Variants in MYO1C observed in about 807,000 individuals in gnomAD.
MYO1C encodes myosin IC.
In MYO1C, 104 loss-of-function variants were observed where a neutral mutation model predicts 150.8. The observed-to-expected ratio is 0.69, with a 90% CI of 0.59 to 0.81. MYO1C has a LOEUF of 0.81. Among genes scored for constraint, MYO1C ranks in the 30% least tolerant of loss-of-function variants. The pLI is 0.00. For synonymous variants in MYO1C, 663 were observed against 579.9 expected (o/e 1.14, Z -2.06); for missense variants, 1,504 against 1,435.0 (o/e 1.05, Z -0.78).
Position 1,467,357 on chromosome 17 carries a change from G to T in MYO1C, c.3066-16C>A. On this transcript the variant is annotated splice_polypyrimidine_tract_variant and intron_variant, in intron 30 of 31. Transcript: ENST00000648651. ...AAACGTGATGCTGGGGGAACGGGGTGGGTGAGGGTTTTTCCATGGAGGCAG... is the reference window on the plus strand; with the variant it reads ...AAACGTGATGCTGGGGGAACGGGGTTGGTGAGGGTTTTTCCATGGAGGCAG... 1 of 1,608,456 alleles carries T rather than the reference G, an allele frequency of 6.2e-7. No homozygotes were observed.
chr17:1,485,766 C>T (rs1299671747), intron 1 of MYO1C: 6 of 1,049,222 alleles, frequency 5.7e-6, no homozygotes, highest in Non-Finnish European at 6.9e-6. Flanking sequence ...GTCCCGGGCT[C>T]GGCGGCGGTG....
At position 1,479,255 on chromosome 17, in the gene MYO1C, A is replaced by G. The variant is rs1195662862; in HGVS notation, c.1092+176T>C. 6.6e-6 allele frequency among the ~76,000 whole-genome samples: 1 copy of G among 152,072 alleles called. No homozygotes were observed. The highest frequency in any genetic ancestry group is 2.4e-5 in the African/African-American group (1 of 41,394). On this transcript the variant is annotated intron_variant, in intron 9 of 31. Coordinates refer to ENST00000648651, the MANE Select transcript of MYO1C (RefSeq NM_001080779.2). The surrounding 1 kb of genome is among the most constrained non-coding windows in gnomAD (Gnocchi z 4.2). ...TGACCTGCCCACCTCAGCCTCCCCAAGTGCTGGGGTTACAGGCGTGAGCCA... is the reference window on the plus strand; with the variant it reads ...TGACCTGCCCACCTCAGCCTCCCCAGGTGCTGGGGTTACAGGCGTGAGCCA...
chr17:1,480,666 G>A, intron 6 of MYO1C, 40 bp downstream of exon 6: 1 of 1,614,004 alleles, frequency 6.2e-7, no homozygotes, highest in Non-Finnish European at 8.5e-7. Flanking sequence ...CCTGGCACCA[G>A]ATCCCTGGGT....
At chr17:1,474,902 C>A in intron 15 of MYO1C, 36 bp downstream of exon 15, 1 of 1,612,620 alleles carries the variant, frequency 6.2e-7, no homozygotes, top group South Asian at 1.1e-5. Context: ...AGCCTCCCCG[C>A]AGGCCCCTGT....
chr17:1,485,847 C>T (rs1415757984), intron 1 of MYO1C: 2 of 348,088 alleles, frequency 5.7e-6, no homozygotes, highest in Non-Finnish European at 8.2e-6. Flanking sequence ...CGCGGGGCTT[C>T]CCCGGCCTCC....
At chr17:1,485,015 G>C in intron 1 of MYO1C, 1 of 936,838 alleles carries the variant, frequency 1.1e-6, no homozygotes, top group Non-Finnish European at 1.5e-6. Flanking sequence ...CGCGGGGGAG[G>C]CCCTCCCTCG....
chr17:1,491,492 G>A (rs1461841938), intron 1 of MYO1C: 1 of 306,302 alleles, frequency 3.3e-6, no homozygotes, highest in Non-Finnish European at 4.4e-6. Context: ...TTCGGCCCCA[G>A]CGATCCCCGG....
Position 1,465,547 on chromosome 17 carries a change from G to C in MYO1C, c.*179C>G. On this transcript the variant is annotated 3_prime_UTR_variant, in exon 32 of 32. Transcript: ENST00000648651. ...GTGGCCCGGCCTGGCCCACTCCTGG[G>C]GTAGCTCCTGGCCCCTGCTGCTCCC... is the stretch of plus-strand genomic sequence containing the variant. 1.6e-6 allele frequency: 1 copy of C among 631,932 alleles called. No individual in the cohort carries two copies. The highest frequency in any genetic ancestry group is 6.6e-5 in the South Asian group (1 of 15,074). 39.1% of individuals were successfully genotyped at this position (631,932 alleles called of 1,614,324 possible). A position where few individuals can be genotyped will look rare whatever the true frequency, so the allele number is the denominator to read the frequency against.
rs772254609 is a variant in MYO1C at position 1,483,015 on chromosome 17, C to T, written c.392G>A (p.Arg131His). ...DTVYRALRTERRDQAVMISGE... is the reference protein window; with the variant it reads ...DTVYRALRTEHRDQAVMISGE... Reference sequence around the variant, plus strand: ...AGAGATCATCACAGCCTGGTCCCGACGCTCCGTGCGCAGTGCTCGGTACAC... The same window carrying T: ...AGAGATCATCACAGCCTGGTCCCGATGCTCCGTGCGCAGTGCTCGGTACAC... The change falls in exon 4 of 32, where the codon CGT (arginine) becomes CAT (histidine). Residue 131 changes from arginine to histidine, a missense_variant. Physicochemically the swap from Arg to His is conservative, Grantham distance 29 (BLOSUM62 0). Coordinates refer to ENST00000648651, the MANE Select transcript of MYO1C (RefSeq NM_001080779.2). 2.1e-5 allele frequency: 34 copies of T among 1,611,846 alleles called. No individual in the cohort carries two copies. The highest frequency in any genetic ancestry group is 2.7e-5 in the African/African-American group (2 of 74,884).
At chr17:1,481,806 A>C (rs1598341687) in intron 5 of MYO1C, among the ~76,000 whole-genome samples, 5 of 132,898 alleles carry the variant, frequency 3.8e-5, no homozygotes, top group Non-Finnish European at 4.7e-5. Flanking sequence ...CAGCCCGATG[A>C]CTCCCCTTCT....
At position 1,467,503 on chromosome 17, in the gene MYO1C, G is replaced by C. The variant is rs746191268; in HGVS notation, c.3042C>G (p.Asn1014Lys). 5.0e-6 allele frequency: 8 copies of C among 1,613,154 alleles called. No individual in the cohort carries two copies. Among genetic ancestry groups the C allele is most frequent in the Non-Finnish European group, 5.9e-6 (7 of 1,179,918 alleles). The change falls in exon 30 of 32, where the codon AAC becomes AAG. Residue 1014 changes from asparagine (N) to lysine (K), a missense_variant. By Grantham distance (94) the Asn-to-Lys change is moderately conservative. Coordinates refer to ENST00000648651, the MANE Select transcript of MYO1C (RefSeq NM_001080779.2). ...TKTALSANRV[N>K]SININQGSIT... ...ACCTGCCCTGGTTGATGTTGATGCT[G>C]TTCACGCGGTTGGCACTGAGGGCTG...
chr17:1,469,981 A>G (rs901105903), intron 24 of MYO1C, among the ~76,000 whole-genome samples, 194 bp downstream of exon 24: 3 of 151,856 alleles, frequency 2.0e-5, no homozygotes, highest in Admixed American at 1.3e-4. Context: ...GTTGCAGTGA[A>G]CCGAGATCAT....
chr17:1,470,585 A>G (rs764939682), intron 22 of MYO1C, 36 bp downstream of exon 22: 3 of 1,593,832 alleles, frequency 1.9e-6, no homozygotes, highest in Non-Finnish European at 2.6e-6. Context: ...CTGGCCCCAG[A>G]CCCCGCCCCT....
intron 31 of MYO1C, 43 bp downstream of exon 31, chr17:1,467,199 C>A: frequency 6.4e-7 from 1 of 1,557,628 alleles, no homozygotes; most frequent in Non-Finnish European, 8.8e-7. Context: ...GAAGGCTTGG[C>A]TATCACAGCC....
chr17:1,488,414 A>C (rs55640917), intron 1 of MYO1C, among the ~76,000 whole-genome samples: 1 of 152,000 alleles, frequency 6.6e-6, no homozygotes, highest in Non-Finnish European at 1.5e-5. Flanking sequence ...GAAGCGGGGA[A>C]CCTGGGTGGG....
chr17:1,485,362 G>GGGGCGTCACTCAGGGCCCGGCCA lies in MYO1C; in HGVS notation c.76-1060_76-1059insTGGCCGGGCCCTGAGTGACGCCC, dbSNP rs1567535261. The GGGGCGTCACTCAGGGCCCGGCCA allele has an allele frequency of 2.5e-3, 369 of 147,098 alleles. 2 individuals carry two copies. Among genetic ancestry groups the GGGGCGTCACTCAGGGCCCGGCCA allele is most frequent in the African/African-American group, 0.024 (352 of 14,746 alleles). 9.1% of individuals were successfully genotyped at this position (147,098 alleles called of 1,614,324 possible). On this transcript the variant is annotated intron_variant, in intron 1 of 31. Coordinates refer to ENST00000648651, the MANE Select transcript of MYO1C (RefSeq NM_001080779.2). ...CCACGAAAGGCCCAGATTTCTGGCC[G>GGGGCGTCACTCAGGGCCCGGCCA]GGGGCCTGCCCCTCCCAGGCTTGTC...
rs2074442046 is a variant in MYO1C, at chr17:1,478,289, AAC to A, written c.1296-99_1296-98del. ...ACGCCCCTGAGCACAGGAGGTGAGA[AAC>A]ACAGAGACAGTCCCCGGCTGGCTGG... On this transcript the variant is annotated intron_variant, in intron 11 of 31. Coordinates refer to ENST00000648651, the MANE Select transcript of MYO1C (RefSeq NM_001080779.2). This position sits in a 1 kb window ranked among gnomAD's most constrained non-coding sequence, Gnocchi z 6.3. 3.2e-6 allele frequency: 5 copies of A among 1,557,556 alleles called. No individual in the cohort carries two copies. Among genetic ancestry groups the A allele is most frequent in the Non-Finnish European group, 4.4e-6 (5 of 1,129,450 alleles).
Position 1,471,955 on chromosome 17 carries a change from C to T in MYO1C, c.1973G>A (p.Arg658His), listed in dbSNP as rs757375939. ...YLGLLENLRV[R>H]RAGFAYRRKY... ...GCGGCGATAGGCAAAGCCGGCTCTG[C>T]GCACGCGCAGGTTTTCCAACAGCCC... Residue 658 changes from arginine to histidine, a missense_variant, in exon 19 of 32, where the codon CGC becomes CAC. Transcript: ENST00000648651. The T allele has an allele frequency of 4.3e-6, 7 of 1,614,104 alleles. No homozygotes were observed. Among genetic ancestry groups the T allele is most frequent in the South Asian group, 1.1e-5 (1 of 91,090 alleles).
chr17:1,470,064 T>C, intron 24 of MYO1C, 111 bp downstream of exon 24: 1 of 1,152,774 alleles, frequency 8.7e-7, no homozygotes, highest in Non-Finnish European at 1.2e-6. Context: ...TGCTCAGCTC[T>C]GGTCCGGGCC....
Sources: gnomAD v4.1 joint callset for allele counts (sites outside exome capture counted in the v4.1 genomes callset) on GRCh38, gnomAD v4.1.1 for gene constraint, Gnocchi (gnomAD v3.1) non-coding constraint, MANE v1.5 for transcripts, NCBI Gene and HGNC (gene_info 2026-07-23, HGNC 2026-07-21) for gene names.